The following CRYBB2 variants were observed in gnomAD, a reference collection of about 807,000 sequenced individuals.
CRYBB2 encodes crystallin beta B2.
Under a neutral mutation model 24.3 loss-of-function variants are expected in CRYBB2, and 12 were observed. That is an observed-to-expected ratio of 0.49 (90% CI 0.32 to 0.80). The LOEUF is 0.80. Among genes scored for constraint, CRYBB2 ranks in the 30% least tolerant of loss-of-function variants. CRYBB2 has a pLI of 0.04. For synonymous variants in CRYBB2, 98 were observed against 101.6 expected (o/e 0.96, Z 0.21); for missense variants, 198 against 268.5 (o/e 0.74, Z 1.83).
At chr22:25,230,435 C>T (rs1235399383) in intron 5 of CRYBB2, among the ~76,000 whole-genome samples, 2 of 152,074 alleles carry the variant, frequency 1.3e-5, no homozygotes, top group African/African-American at 2.4e-5. Flanking sequence ...GGATTACAGG[C>T]GTGAGCCACT....
At chr22:25,213,959 G>A (rs1396688771) in intron 1 of CRYBB2, among the ~76,000 whole-genome samples, 2 of 152,012 alleles carry the variant, frequency 1.3e-5, no homozygotes, top group Non-Finnish European at 2.9e-5. Flanking sequence ...AGGCACTGGG[G>A]GCACGAAGAT....
At chr22:25,227,252 C>CTA (rs1277562693) in intron 3 of CRYBB2, among the ~76,000 whole-genome samples, 1 of 152,084 alleles carries the variant, frequency 6.6e-6, no homozygotes, top group East Asian at 1.9e-4. Context: ...CTTTAATGTA[C>CTA]TATTTTTCTT....
chr22:25,227,469 A>T (rs1401576802), intron 3 of CRYBB2, among the ~76,000 whole-genome samples: 1 of 151,646 alleles, frequency 6.6e-6, no homozygotes, highest in African/African-American at 2.4e-5. Flanking sequence ...GGGAGCATTT[A>T]CACCATGGAA....
upstream of CRYBB2, among the ~76,000 whole-genome samples, chr22:25,218,136 G>A (rs1387750732): frequency 6.6e-6 from 1 of 150,916 alleles, no homozygotes; most frequent in Non-Finnish European, 1.5e-5. Context: ...GCGGGCGCCT[G>A]TAGTCCCAGC....
At chr22:25,230,408 G>A (rs949673701) in intron 5 of CRYBB2, among the ~76,000 whole-genome samples, 13 of 151,834 alleles carry the variant, frequency 8.6e-5, no homozygotes, top group African/African-American at 2.9e-4. Context: ...TGCCTGCCTC[G>A]GCCTCCCAAA....
chr22:25,216,224 C>T (rs989433661), upstream of CRYBB2, among the ~76,000 whole-genome samples: 2 of 152,180 alleles, frequency 1.3e-5, no homozygotes, highest in African/African-American at 4.8e-5. Context: ...AAAGTCCTAA[C>T]CCCCAGTACC....
intron 4 of CRYBB2, among the ~76,000 whole-genome samples, 165 bp from the exon 5 acceptor site, chr22:25,229,271 C>A (rs925926571): frequency 1.3e-5 from 2 of 152,160 alleles, no homozygotes. Flanking sequence ...ACTTAACAAA[C>A]GGCTGTGATC....
At chr22:25,218,923 C>T (rs138636949), upstream of CRYBB2, among the ~76,000 whole-genome samples, 567 of 152,266 alleles carry the variant, frequency 3.7e-3, 2 homozygotes, top group East Asian at 0.026. Context: ...CCTCCCTGGC[C>T]CTGCAACATC....
At chr22:25,226,087 T>C (rs1181578412) in intron 3 of CRYBB2, among the ~76,000 whole-genome samples, 2 of 152,084 alleles carry the variant, frequency 1.3e-5, no homozygotes, top group East Asian at 3.8e-4. Flanking sequence ...GAAGATATGG[T>C]TTAAGGCAAA....
intron 3 of CRYBB2, among the ~76,000 whole-genome samples, chr22:25,225,845 C>A (rs1016593983): frequency 4.6e-5 from 7 of 152,308 alleles, no homozygotes; most frequent in African/African-American, 1.7e-4. Context: ...AAAGCAGTGG[C>A]CCTGCCAAGC....
intron 5 of CRYBB2, among the ~76,000 whole-genome samples, chr22:25,230,321 T>G (rs13056844): frequency 1.3e-5 from 2 of 150,436 alleles, no homozygotes; most frequent in Non-Finnish European, 3.0e-5. Context: ...CAAGCTCAGC[T>G]GATTTTTTGC....
intron 1 of CRYBB2, among the ~76,000 whole-genome samples, chr22:25,213,016 G>A (rs1935125151): frequency 6.6e-6 from 1 of 152,144 alleles, no homozygotes; most frequent in Non-Finnish European, 1.5e-5. Flanking sequence ...TCATCTGTTT[G>A]AAGCTTTTAC....
intron 4 of CRYBB2, among the ~76,000 whole-genome samples, chr22:25,228,761 T>A (rs931185327): frequency 6.6e-6 from 1 of 152,236 alleles, no homozygotes; most frequent in African/African-American, 2.4e-5. Flanking sequence ...AAGAGGATTT[T>A]ATGTCTGAGG....
Position 25,221,418 on chromosome 22 carries a change from G to A in CRYBB2, c.-12G>A. On this transcript the variant is annotated 5_prime_UTR_variant, in exon 2 of 6. Coordinates refer to ENST00000398215, the MANE Select transcript of CRYBB2 (RefSeq NM_000496.3). ...ATGTCTTCCAGGTCATTCCTGCACAGGACAGTCCACCATGGCCTCAGATCA... is the reference window on the plus strand; with the variant it reads ...ATGTCTTCCAGGTCATTCCTGCACAAGACAGTCCACCATGGCCTCAGATCA... 1.2e-6 allele frequency: 2 copies of A among 1,613,008 alleles called. No homozygotes were observed. The highest frequency in any genetic ancestry group is 8.5e-7 in the Non-Finnish European group (1 of 1,179,060).
intron 2 of CRYBB2, among the ~76,000 whole-genome samples, chr22:25,222,112 C>T (rs1935331894): frequency 6.6e-6 from 1 of 152,228 alleles, no homozygotes. Context: ...AAACCTCTAT[C>T]TAGGCACGGC....
upstream of CRYBB2, among the ~76,000 whole-genome samples, chr22:25,211,761 C>G (rs1008712075): frequency 6.6e-6 from 1 of 152,200 alleles, no homozygotes; most frequent in Non-Finnish European, 1.5e-5. Context: ...GACAGTGAAG[C>G]AAGAATATCC....
upstream of CRYBB2, among the ~76,000 whole-genome samples, chr22:25,218,765 G>GA (rs1569016154): frequency 1.2e-4 from 4 of 33,272 alleles, no homozygotes; most frequent in Admixed American, 5.9e-4. Flanking sequence ...GAGAGAGAGA[G>GA]AGAGAGAGAG....
rs541853856 is a variant in CRYBB2 at position 25,229,316 on chromosome 22, C to T, written c.307-120C>T. ...TGGTCATAGACACGTAGTGGGTGCACTGGGAAGAGAGTGATGTGTGGGACA... is the reference window on the plus strand; with the variant it reads ...TGGTCATAGACACGTAGTGGGTGCATTGGGAAGAGAGTGATGTGTGGGACA... On this transcript the variant is annotated intron_variant, in intron 4 of 5. Coordinates refer to ENST00000398215, the MANE Select transcript of CRYBB2 (RefSeq NM_000496.3). 1.5e-3 allele frequency: 2,244 copies of T among 1,520,262 alleles called. 5 individuals are homozygous for T. Among genetic ancestry groups the T allele is most frequent in the African/African-American group, 3.8e-3 (275 of 72,558 alleles). The allele number at this position is 1,520,262 out of a possible 1,614,324, so 94.2% of individuals were successfully genotyped here. A position where few individuals can be genotyped will look rare whatever the true frequency, so the allele number is the denominator to read the frequency against.
At chr22:25,228,059 T>A (rs1344759146) in intron 4 of CRYBB2, 74 bp downstream of exon 4, 17 of 1,606,440 alleles carry the variant, frequency 1.1e-5, no homozygotes, top group African/African-American at 6.7e-5. Flanking sequence ...ACCTTGGAGC[T>A]GGAGGTCTGG....
Sources: allele counts gnomAD v4.1 joint callset (sites outside exome capture counted in the v4.1 genomes callset), GRCh38; gene constraint gnomAD v4.1.1; transcripts MANE v1.5; gene names NCBI Gene and HGNC (gene_info 2026-07-23, HGNC 2026-07-21).